The following LRTM1 variants were observed in gnomAD, a reference collection of about 807,000 sequenced individuals.
LRTM1 encodes leucine rich repeat transmembrane protein 1.
In LRTM1, 38 loss-of-function variants were observed where a neutral mutation model predicts 32.4. That is an observed-to-expected ratio of 1.17 (90% CI 0.91 to 1.54). The LOEUF is 1.54. Ranked by LOEUF, LRTM1 falls within the 40% of genes most tolerant of loss-of-function variation. The pLI, the probability that LRTM1 is intolerant of heterozygous loss-of-function variation, is 0.00. For missense variants in LRTM1, 466 were observed against 415.4 expected, an observed-to-expected ratio of 1.12 and a Z score of -1.06; for synonymous variants, 186 against 169.9, an observed-to-expected ratio of 1.09 and a Z score of -0.74.
intron 1 of LRTM1, among the ~76,000 whole-genome samples, chr3:54,935,410 A>C (rs1701303439): frequency 6.6e-6 from 1 of 152,244 alleles, no homozygotes; most frequent in Non-Finnish European, 1.5e-5. Context: ...TAGTGAGCTC[A>C]TGCGGCTGGT....
At chr3:54,924,591 T>TG in intron 2 of LRTM1, 28 bp downstream of exon 2, 2 of 1,541,244 alleles carry the variant, frequency 1.3e-6, no homozygotes, top group South Asian at 1.1e-5. Context: ...AACACACAGA[T>TG]GGGGGGTTCC....
At chr3:54,955,235 C>G (rs187363427) in intron 1 of LRTM1, among the ~76,000 whole-genome samples, 2 of 152,188 alleles carry the variant, frequency 1.3e-5, no homozygotes, top group Admixed American at 6.5e-5. Flanking sequence ...GACGGGCAGA[C>G]ATTAGGGAAG....
chr3:54,937,804 G>A (rs1050154695), intron 1 of LRTM1, among the ~76,000 whole-genome samples: 6 of 152,086 alleles, frequency 3.9e-5, no homozygotes, highest in African/African-American at 1.4e-4. Flanking sequence ...AGCATCTTAG[G>A]GACTAGCAGA....
intron 2 of LRTM1, among the ~76,000 whole-genome samples, chr3:54,921,253 G>A (rs1236425215): frequency 1.3e-5 from 2 of 152,102 alleles, no homozygotes; most frequent in African/African-American, 4.8e-5. Flanking sequence ...CTGTGCAGCC[G>A]TGAAAAACTC....
rs201422704 is a variant in LRTM1 at position 54,921,211 on chromosome 3, A to G, written c.605-2319T>C. Among the ~76,000 whole-genome samples, 717 of 151,872 alleles carry G rather than the reference A, an allele frequency of 4.7e-3. 9 individuals are homozygous for G. The highest frequency in any genetic ancestry group is 0.016 in the African/African-American group (669 of 41,432). On this transcript the variant is annotated intron_variant, in intron 2 of 2. Coordinates refer to ENST00000273286, the MANE Select transcript of LRTM1 (RefSeq NM_020678.4). The stretch of plus-strand genomic sequence containing the variant: ...CTTCACCTCTGTCTTGGGAGAAACT[A>G]GATTCAAATCTTGAGTCTGAACATT...
intron 2 of LRTM1, among the ~76,000 whole-genome samples, chr3:54,921,866 G>A (rs991940970): frequency 6.0e-5 from 9 of 150,954 alleles, no homozygotes; most frequent in African/African-American, 1.2e-4. Flanking sequence ...CTGTTATGTC[G>A]GTTAGCCTGC....
At chr3:54,944,009 A>T (rs532384658) in intron 1 of LRTM1, among the ~76,000 whole-genome samples, 5 of 152,282 alleles carry the variant, frequency 3.3e-5, no homozygotes, top group African/African-American at 1.2e-4. Flanking sequence ...TAACCATTTG[A>T]CTGGCCATAG....
Position 54,925,104 on chromosome 3 carries a change from C to G in LRTM1, c.119G>C (p.Gly40Ala). 1 of 1,614,070 alleles carries G rather than the reference C, an allele frequency of 6.2e-7. No individual in the cohort carries two copies. Among genetic ancestry groups the G allele is most frequent in the Non-Finnish European group, 8.5e-7 (1 of 1,180,006 alleles). The change falls in exon 2 of 3, where the codon GGT (glycine) becomes GCT (alanine). Residue 40 changes from glycine (G) to alanine (A), a missense_variant. Gly to Ala is a moderately conservative substitution (Grantham distance 60, BLOSUM62 0). Coordinates refer to ENST00000273286, the MANE Select transcript of LRTM1 (RefSeq NM_020678.4). ...TAAATGGGAAGGGATTTCGGCCAGA[C>G]CCTGCTGGCTGCAGTCTACAAAATT... is the stretch of plus-strand genomic sequence containing the variant. Reference protein sequence around the residue: ...STNFVDCSQQGLAEIPSHLPP... With the variant: ...STNFVDCSQQALAEIPSHLPP...
chr3:54,941,578 A>G (rs948563051), intron 1 of LRTM1, among the ~76,000 whole-genome samples: 1 of 152,196 alleles, frequency 6.6e-6, no homozygotes, highest in African/African-American at 2.4e-5. Context: ...TTCAATATCT[A>G]TCATTGCTCC....
At chr3:54,919,815 ACT>A (rs1187342661) in intron 2 of LRTM1, among the ~76,000 whole-genome samples, 2 of 152,170 alleles carry the variant, frequency 1.3e-5, no homozygotes, top group Non-Finnish European at 2.9e-5. Flanking sequence ...CTTGTAGGTA[ACT>A]CTTGTCCAGA....
intron 1 of LRTM1, among the ~76,000 whole-genome samples, chr3:54,942,763 A>G (rs145488229): frequency 0.023 from 3,478 of 152,024 alleles, 133 homozygotes; most frequent in African/African-American, 0.076. Context: ...AGTGGCTCAC[A>G]CCTGTAATCC....
intron 1 of LRTM1, among the ~76,000 whole-genome samples, chr3:54,935,559 T>G (rs1261371973): frequency 6.6e-6 from 1 of 152,186 alleles, no homozygotes; most frequent in Non-Finnish European, 1.5e-5. Context: ...AGTGGCTACT[T>G]TTGTCTGTGC....
chr3:54,926,505 TACACACAC>T (rs36205023), intron 1 of LRTM1, among the ~76,000 whole-genome samples: 19,592 of 143,276 alleles, frequency 0.14, 1,389 homozygotes, highest in Middle Eastern at 0.22. Context: ...GCCTGTCAAA[TACACACAC>T]ACACACACAC....
chr3:54,934,278 A>G (rs1701275595), intron 1 of LRTM1, among the ~76,000 whole-genome samples: 1 of 152,184 alleles, frequency 6.6e-6, no homozygotes, highest in Non-Finnish European at 1.5e-5. Context: ...TAAGATGTAA[A>G]TTGAATTATC....
chr3:54,939,916 G>T (rs929075308), intron 1 of LRTM1, among the ~76,000 whole-genome samples: 2 of 152,242 alleles, frequency 1.3e-5, no homozygotes, highest in Non-Finnish European at 2.9e-5. Flanking sequence ...TGCCCTGGAA[G>T]AAAGTGGAAG....
In LRTM1 at chr3:54,924,587, C is replaced by T. The variant is rs372091371; in HGVS notation, c.604+32G>A. ...AGATTCATCCTAGGCTGGTAACACACAGATGGGGGGTTCCAAATAGACATG... is the reference window on the plus strand; with the variant it reads ...AGATTCATCCTAGGCTGGTAACACATAGATGGGGGGTTCCAAATAGACATG... On this transcript the variant is annotated intron_variant, in intron 2 of 2. Transcript: ENST00000273286. 3.9e-6 allele frequency: 6 copies of T among 1,531,006 alleles called. No individual in the cohort carries two copies. In the African/African-American group the frequency reaches 5.5e-5, roughly 14 times the overall value. The allele number at this position is 1,531,006 out of a possible 1,614,324, so 94.8% of individuals were successfully genotyped here. A position where few individuals can be genotyped will look rare whatever the true frequency, so the allele number is the denominator to read the frequency against.
chr3:54,942,176 A>G (rs1701486680), intron 1 of LRTM1, among the ~76,000 whole-genome samples: 1 of 152,246 alleles, frequency 6.6e-6, no homozygotes, highest in Non-Finnish European at 1.5e-5. Context: ...GCAACAGGGC[A>G]GTGATACAAC....
chr3:54,962,448 A>G (rs915422162), intron 1 of LRTM1, among the ~76,000 whole-genome samples: 5 of 152,220 alleles, frequency 3.3e-5, no homozygotes, highest in African/African-American at 1.2e-4. Context: ...ATAAGAATAA[A>G]GAATAAAAGC....
chr3:54,957,360 G>A (rs1398926479), intron 1 of LRTM1, among the ~76,000 whole-genome samples: 1 of 151,928 alleles, frequency 6.6e-6, no homozygotes, highest in Non-Finnish European at 1.5e-5. Flanking sequence ...TGTTGCTCAG[G>A]CTGGTCTTGA....
Sources: allele counts gnomAD v4.1 joint callset (sites outside exome capture counted in the v4.1 genomes callset), GRCh38; gene constraint gnomAD v4.1.1; transcripts MANE v1.5; gene names NCBI Gene and HGNC (gene_info 2026-07-23, HGNC 2026-07-21).